PRKCE: variants seen among roughly 807,000 people sequenced by gnomAD.
The protein encoded by PRKCE is protein kinase C epsilon type.
In PRKCE, 16 loss-of-function variants were observed where a neutral mutation model predicts 85.4. That is an observed-to-expected ratio of 0.19 (90% CI 0.13 to 0.28). The LOEUF (loss-of-function observed/expected upper bound fraction) is 0.28. Among genes scored for constraint, PRKCE ranks in the 10% least tolerant of loss-of-function variants. PRKCE has a pLI of 1.00. For synonymous variants in PRKCE, 388 were observed against 371.5 expected, an observed-to-expected ratio of 1.04 and a Z score of -0.51; for missense variants, 573 against 975.2, an observed-to-expected ratio of 0.59 and a Z score of 5.49.
At chr2:46,010,698 C>T (rs1333108358) in intron 10 of PRKCE, 181 bp downstream of exon 10, 15 of 1,598,386 alleles carry the variant, frequency 9.4e-6, no homozygotes, top group Admixed American at 3.3e-5. Flanking sequence ...CAGGATTTTC[C>T]ATTCAAGGTT....
chr2:45,932,387 C>T (rs1390292447), intron 2 of PRKCE, among the ~76,000 whole-genome samples: 2 of 152,144 alleles, frequency 1.3e-5, no homozygotes, highest in East Asian at 1.9e-4. Context: ...TTCATGTCTT[C>T]TGGTGAACAA....
chr2:45,771,131 G>A (rs527910610), intron 1 of PRKCE, among the ~76,000 whole-genome samples: 2 of 152,208 alleles, frequency 1.3e-5, no homozygotes, highest in South Asian at 2.1e-4. Flanking sequence ...AGAATGCAGG[G>A]GTGGGAAGAG....
At chr2:45,732,341 A>C (rs904816908) in intron 1 of PRKCE, among the ~76,000 whole-genome samples, 9 of 152,058 alleles carry the variant, frequency 5.9e-5, no homozygotes, top group African/African-American at 9.7e-5. Context: ...AAATATTTGG[A>C]TATGTTGAGG....
chr2:45,916,853 T>C (rs1004905987), intron 2 of PRKCE, among the ~76,000 whole-genome samples: 2 of 152,146 alleles, frequency 1.3e-5, no homozygotes, highest in African/African-American at 4.8e-5. Context: ...CGTCTGGAGT[T>C]TGTTCCTTCT....
chr2:46,112,926 C>T (rs1672413432), intron 11 of PRKCE, among the ~76,000 whole-genome samples: 1 of 152,102 alleles, frequency 6.6e-6, no homozygotes, highest in Admixed American at 6.5e-5. Context: ...TAGGTTGCTT[C>T]TTAATTTCAG....
At chr2:46,055,570 T>G (rs1279013552) in intron 10 of PRKCE, among the ~76,000 whole-genome samples, 1 of 152,270 alleles carries the variant, frequency 6.6e-6, no homozygotes, top group Non-Finnish European at 1.5e-5. Flanking sequence ...CCCTACCAGA[T>G]AGAAAATTCT....
At chr2:45,906,194 C>G (rs1182507466) in intron 2 of PRKCE, among the ~76,000 whole-genome samples, 1 of 152,236 alleles carries the variant, frequency 6.6e-6, no homozygotes, top group East Asian at 1.9e-4. Context: ...TCTCAACCAC[C>G]TGGCCTACTG....
chr2:45,866,845 T>C (rs1693657107), intron 2 of PRKCE, among the ~76,000 whole-genome samples: 1 of 152,250 alleles, frequency 6.6e-6, no homozygotes, highest in South Asian at 2.1e-4. Context: ...GAAAATTCTA[T>C]TGGCCAGCAC....
intron 11 of PRKCE, among the ~76,000 whole-genome samples, chr2:46,124,289 C>A (rs771367338): frequency 2.0e-5 from 3 of 152,164 alleles, no homozygotes; most frequent in Non-Finnish European, 4.4e-5. Context: ...CGCACCACTG[C>A]ACTCCAGCCT....
In PRKCE at chr2:45,700,866, G is replaced by A. The variant is rs145051408; in HGVS notation, c.348+48418G>A. 3.6e-3 allele frequency among the ~76,000 whole-genome samples: 546 copies of A among 152,268 alleles called. 1 individual carries two copies. Among genetic ancestry groups the A allele is most frequent in the African/African-American group, 0.011 (455 of 41,556 alleles). On this transcript the variant is annotated intron_variant, in intron 1 of 14. Coordinates refer to ENST00000306156, the MANE Select transcript of PRKCE (RefSeq NM_005400.3). Reference sequence around the variant, plus strand: ...AGATGCAGGGAGAGGGCGGCCCCGTGAGGACAGACACAGAGATAGGAGCTG... The same window carrying A: ...AGATGCAGGGAGAGGGCGGCCCCGTAAGGACAGACACAGAGATAGGAGCTG...
intron 1 of PRKCE, among the ~76,000 whole-genome samples, chr2:45,734,610 C>G (rs1490242152): frequency 2.0e-5 from 3 of 152,220 alleles, no homozygotes; most frequent in Admixed American, 6.5e-5. Context: ...CGTGTGTTCT[C>G]CGCCTTCCTG....
At chr2:45,902,269 G>T (rs1413310021) in intron 2 of PRKCE, among the ~76,000 whole-genome samples, 1 of 152,150 alleles carries the variant, frequency 6.6e-6, no homozygotes, top group Admixed American at 6.5e-5. Context: ...AACATCCATT[G>T]TTCCTGAAAC....
intron 1 of PRKCE, among the ~76,000 whole-genome samples, chr2:45,696,198 C>G (rs921576260): frequency 2.7e-5 from 4 of 150,788 alleles, no homozygotes; most frequent in African/African-American, 9.8e-5. Flanking sequence ...TCAAGTGATC[C>G]TTTCACCTAA....
intron 10 of PRKCE, among the ~76,000 whole-genome samples, chr2:46,050,117 G>C (rs1195335080): frequency 6.6e-6 from 1 of 152,244 alleles, no homozygotes; most frequent in African/African-American, 2.4e-5. Context: ...TGGCTTAGCT[G>C]GGCTCATGGC....
chr2:45,744,658 AGTGCAGTGGT>A, intron 1 of PRKCE, among the ~76,000 whole-genome samples: 2 of 148,546 alleles, frequency 1.3e-5, no homozygotes, highest in Non-Finnish European at 3.0e-5. Flanking sequence ...CCCAGGCTGG[AGTGCAGTGGT>A]GCCGTCTCCG....
intron 1 of PRKCE, among the ~76,000 whole-genome samples, chr2:45,781,485 ATTTG>A (rs562179503): frequency 6.0e-4 from 91 of 152,042 alleles, no homozygotes; most frequent in African/African-American, 2.1e-3. Context: ...CTTAATGACA[ATTTG>A]TTTGTTATTT....
At chr2:45,717,731 C>A (rs72801206) in intron 1 of PRKCE, among the ~76,000 whole-genome samples, 17,399 of 152,204 alleles carry the variant, frequency 0.11, 1,068 homozygotes, top group East Asian at 0.16. Flanking sequence ...TCCTGAGGGT[C>A]CCTTACCCAC....
At chr2:45,773,376 G>A (rs1225173139) in intron 1 of PRKCE, among the ~76,000 whole-genome samples, 1 of 152,180 alleles carries the variant, frequency 6.6e-6, no homozygotes, top group Non-Finnish European at 1.5e-5. Context: ...CATTGAGCCT[G>A]GCCCTGTGCT....
intron 2 of PRKCE, among the ~76,000 whole-genome samples, chr2:45,918,814 C>A (rs2103911856): frequency 6.6e-6 from 1 of 152,294 alleles, no homozygotes; most frequent in East Asian, 1.9e-4. Flanking sequence ...GTCTTCAGAG[C>A]ATATCCTACT....
Sources: gnomAD v4.1 joint callset for allele counts (sites outside exome capture counted in the v4.1 genomes callset) on GRCh38, gnomAD v4.1.1 for gene constraint, MANE v1.5 for transcripts, NCBI Gene and HGNC (gene_info 2026-07-23, HGNC 2026-07-21) for gene names.